SPG11: variants seen among roughly 807,000 people sequenced by gnomAD.
SPG11 encodes the protein spatacsin.
Under a neutral mutation model 274.0 loss-of-function variants are expected in SPG11, and 222 were observed. That is an observed-to-expected ratio of 0.81 (90% CI 0.73 to 0.91). The LOEUF is 0.91. Ranked by LOEUF, SPG11 falls within the 40% of genes least tolerant of loss-of-function variation. SPG11 has a pLI of 0.00. For missense variants in SPG11, 3,114 were observed against 2,872.7 expected, an observed-to-expected ratio of 1.08 and a Z score of -1.92; for synonymous variants, 1,144 against 1,039.7, an observed-to-expected ratio of 1.10 and a Z score of -1.93.
chr15:44,597,422 G>A (rs58045691), intron 23 of SPG11, among the ~76,000 whole-genome samples: 1 of 152,108 alleles, frequency 6.6e-6, no homozygotes, highest in Admixed American at 6.6e-5. Flanking sequence ...AAAAACAGTA[G>A]ACTTTTTCAC....
chr15:44,652,859 A>G (rs1413503087), intron 4 of SPG11, among the ~76,000 whole-genome samples: 1 of 151,900 alleles, frequency 6.6e-6, no homozygotes, highest in East Asian at 1.9e-4. Context: ...TTTACTATAT[A>G]TTGGCCAAGC....
At chr15:44,607,418 A>T (rs528807284) in intron 19 of SPG11, among the ~76,000 whole-genome samples, 1 of 152,222 alleles carries the variant, frequency 6.6e-6, no homozygotes, top group African/African-American at 2.4e-5. Context: ...AGTAGCTGGG[A>T]CTATAGGCAC....
At chr15:44,659,035 C>T in intron 3 of SPG11, 44 bp downstream of exon 3, 1 of 1,578,132 alleles carries the variant, frequency 6.3e-7, no homozygotes. Flanking sequence ...TATAGGTGTT[C>T]TTCTCCTCTA....
At chr15:44,617,217 C>T (rs2083611497) in intron 15 of SPG11, among the ~76,000 whole-genome samples, 1 of 152,240 alleles carries the variant, frequency 6.6e-6, no homozygotes, top group Non-Finnish European at 1.5e-5. Context: ...GTCACAACTC[C>T]TGCCAGGCAG....
chr15:44,598,510 T>A lies in SPG11; in HGVS notation c.3892+121A>T. The A allele has an allele frequency of 1.0e-5, 13 of 1,269,068 alleles. No homozygotes were observed. In the South Asian group the frequency reaches 1.5e-4, roughly 14 times the overall value. The allele number at this position is 1,269,068 out of a possible 1,614,324, so 78.6% of individuals were successfully genotyped here. On this transcript the variant is annotated intron_variant, in intron 22 of 39. Coordinates refer to ENST00000261866, the MANE Select transcript of SPG11 (RefSeq NM_025137.4). ...AGAAAGTGAGACAAAGAACACACAC[T>A]CTGCAGGAAAAGGATAAAACCAAGA...
intron 10 of SPG11, 45 bp from the exon 11 acceptor site, chr15:44,626,552 C>A: frequency 6.3e-7 from 1 of 1,581,232 alleles, no homozygotes; most frequent in Non-Finnish European, 8.7e-7. Context: ...TTTTCATTTC[C>A]TTATTATGAT....
intron 1 of SPG11, among the ~76,000 whole-genome samples, chr15:44,661,693 T>C (rs1393419520): frequency 3.9e-5 from 6 of 152,116 alleles, no homozygotes; most frequent in Admixed American, 3.9e-4. Flanking sequence ...TACAAAAGGT[T>C]AAACTAAGAT....
chr15:44,650,119 G>A (rs1326668836), intron 6 of SPG11, among the ~76,000 whole-genome samples: 1 of 152,166 alleles, frequency 6.6e-6, no homozygotes, highest in Non-Finnish European at 1.5e-5. Flanking sequence ...CTTTGCAGAA[G>A]ATGAATTATG....
At chr15:44,652,979 A>G (rs2084830376) in intron 4 of SPG11, among the ~76,000 whole-genome samples, 1 of 152,188 alleles carries the variant, frequency 6.6e-6, no homozygotes, top group South Asian at 2.1e-4. Context: ...CTGCGACCAG[A>G]GGAATGCATA....
rs540476255 is a variant in SPG11, at chr15:44,644,186, C to A, written c.1602+4680G>T. Among the ~76,000 whole-genome samples, 388 of 150,694 alleles carry A rather than the reference C, an allele frequency of 2.6e-3. 1 individual carries two copies. Among genetic ancestry groups the A allele is most frequent in the Non-Finnish European group, 4.1e-3 (277 of 67,650 alleles). ...CATCTCAAAAAAAAAAAAAAAAATT[C>A]TCCACAAAGTACTAGTGAACTGAAT... On this transcript the variant is annotated intron_variant, in intron 7 of 39. Coordinates refer to ENST00000261866, the MANE Select transcript of SPG11 (RefSeq NM_025137.4).
At chr15:44,621,676 G>A (rs866660922) in intron 14 of SPG11, 83 bp downstream of exon 14, 1 of 1,309,022 alleles carries the variant, frequency 7.6e-7, no homozygotes, top group Non-Finnish European at 1.1e-6. Context: ...TTCTAAAATT[G>A]AGACACATCA....
intron 30 of SPG11, among the ~76,000 whole-genome samples, chr15:44,578,663 T>A (rs897403379): frequency 7.2e-5 from 11 of 152,122 alleles, no homozygotes; most frequent in Non-Finnish European, 1.6e-4. Context: ...CTAGGTGGCG[T>A]GCACACACAG....
intron 7 of SPG11, among the ~76,000 whole-genome samples, chr15:44,642,972 C>T (rs1188105872): frequency 6.6e-6 from 1 of 152,128 alleles, no homozygotes; most frequent in Non-Finnish European, 1.5e-5. Context: ...CAAAGATATC[C>T]ATGATATTCT....
intron 7 of SPG11, among the ~76,000 whole-genome samples, chr15:44,642,192 C>T (rs2084470035): frequency 6.7e-6 from 1 of 149,512 alleles, no homozygotes; most frequent in Admixed American, 6.7e-5. Flanking sequence ...ATCGTGAAAC[C>T]CCATCTCTAC....
At chr15:44,646,292 G>A (rs1225579450) in intron 7 of SPG11, among the ~76,000 whole-genome samples, 6 of 152,154 alleles carry the variant, frequency 3.9e-5, no homozygotes, top group Non-Finnish European at 7.3e-5. Flanking sequence ...TTCTCACACT[G>A]CTACAAAGAT....
intron 7 of SPG11, among the ~76,000 whole-genome samples, chr15:44,640,540 A>G (rs2084409220): frequency 1.3e-5 from 2 of 152,172 alleles, no homozygotes; most frequent in Non-Finnish European, 2.9e-5. Flanking sequence ...AGGAACAGAC[A>G]ACAATAAAGG....
chr15:44,638,395 G>A (rs975341400), intron 7 of SPG11, among the ~76,000 whole-genome samples: 4 of 152,050 alleles, frequency 2.6e-5, no homozygotes, highest in Admixed American at 1.3e-4. Flanking sequence ...AGGAGGTGGA[G>A]GCTACGGTGA....
intron 7 of SPG11, among the ~76,000 whole-genome samples, chr15:44,637,902 G>C (rs900517141): frequency 6.6e-6 from 1 of 152,164 alleles, no homozygotes; most frequent in Non-Finnish European, 1.5e-5. Flanking sequence ...GCATGTTACT[G>C]CCTCTGAAGA....
chr15:44,596,855 C>T lies in SPG11; in HGVS notation c.4090G>A (p.Glu1364Lys). Residue 1364 changes from glutamate (E) to lysine (K), a missense_variant, in exon 24 of 40, where the codon GAA becomes AAA. Coordinates refer to ENST00000261866, the MANE Select transcript of SPG11 (RefSeq NM_025137.4). ...AGCCAATCATTTGCTTTGGCACATTCTCTAAGGTAAGATATGCTTAGTTTC... is the reference window on the plus strand; with the variant it reads ...AGCCAATCATTTGCTTTGGCACATTTTCTAAGGTAAGATATGCTTAGTTTC... Reference protein sequence around the residue: ...NMKLSISYLRECAKANDWLQF... With the variant: ...NMKLSISYLRKCAKANDWLQF... 2 of 1,613,940 alleles carry T rather than the reference C, an allele frequency of 1.2e-6. No homozygotes were observed. Among genetic ancestry groups the T allele is most frequent in the Non-Finnish European group, 1.7e-6 (2 of 1,179,994 alleles).
Sources: allele counts gnomAD v4.1 joint callset (sites outside exome capture counted in the v4.1 genomes callset), GRCh38; gene constraint gnomAD v4.1.1; transcripts MANE v1.5; gene names NCBI Gene and HGNC (gene_info 2026-07-23, HGNC 2026-07-21).